COG6: variants seen among roughly 807,000 people sequenced by gnomAD.
COG6 encodes the protein conserved oligomeric Golgi complex subunit 6.
In COG6, 74 loss-of-function variants were observed where a neutral mutation model predicts 88.8. The ratio of observed to expected loss-of-function variants is 0.83; its 90% confidence interval spans 0.69 to 1.01. COG6 has a LOEUF of 1.01. COG6 is among the 50% of genes least tolerant of loss of function. The probability of loss-of-function intolerance (pLI) is 0.00; values close to 1 mark genes in which losing one functional copy is unlikely to be tolerated. For synonymous variants in COG6, 286 were observed against 278.7 expected (o/e 1.03, Z -0.26); for missense variants, 800 against 797.9 (o/e 1.00, Z -0.03).
chr13:39,742,846 A>G (rs994318112), intron 18 of COG6, among the ~76,000 whole-genome samples: 2 of 152,202 alleles, frequency 1.3e-5, no homozygotes, highest in African/African-American at 4.8e-5. Flanking sequence ...TTGACCACAT[A>G]GTTCGAAGTA....
intron 18 of COG6, among the ~76,000 whole-genome samples, chr13:39,777,272 G>A (rs546650901): frequency 2.0e-5 from 3 of 152,230 alleles, no homozygotes; most frequent in East Asian, 3.9e-4. Context: ...GAGCACAGAG[G>A]GGGGTGTCCA....
At chr13:39,705,798 C>A (rs1043673643) in intron 13 of COG6, among the ~76,000 whole-genome samples, 3 of 152,044 alleles carry the variant, frequency 2.0e-5, no homozygotes, top group Non-Finnish European at 2.9e-5. Context: ...ACTAGACATG[C>A]AGATATCTCA....
intron 18 of COG6, among the ~76,000 whole-genome samples, chr13:39,731,597 A>C (rs1879458106): frequency 6.6e-6 from 1 of 152,226 alleles, no homozygotes; most frequent in South Asian, 2.1e-4. Flanking sequence ...AAGAGAATGC[A>C]GATGCTTCCT....
intron 18 of COG6, among the ~76,000 whole-genome samples, chr13:39,763,199 T>G (rs532000960): frequency 1.3e-5 from 2 of 151,832 alleles, no homozygotes; most frequent in Non-Finnish European, 3.0e-5. Flanking sequence ...TTTTTGTATA[T>G]TTAGTAGCAA....
intron 18 of COG6, among the ~76,000 whole-genome samples, chr13:39,785,750 C>T (rs1320209576): frequency 6.6e-6 from 1 of 152,102 alleles, no homozygotes; most frequent in East Asian, 1.9e-4. Context: ...AAGATTACAC[C>T]TCATACAACA....
chr13:39,771,697 C>T (rs1881322399), intron 18 of COG6, among the ~76,000 whole-genome samples: 2 of 152,218 alleles, frequency 1.3e-5, no homozygotes, highest in South Asian at 4.1e-4. Flanking sequence ...TTTTGAGCAT[C>T]CCTGAAAGTA....
At chr13:39,656,688 C>A in intron 1 of COG6, 1 of 356,766 alleles carries the variant, frequency 2.8e-6, no homozygotes, top group Non-Finnish European at 5.5e-6. Flanking sequence ...AATTTGATTC[C>A]GATATGTAAA....
chr13:39,733,797 A>G (rs1445472507), intron 18 of COG6, among the ~76,000 whole-genome samples: 1 of 152,078 alleles, frequency 6.6e-6, no homozygotes, highest in Non-Finnish European at 1.5e-5. Context: ...GACACTTTTT[A>G]TTATGGCTTT....
chr13:39,789,174 A>G (rs1324581989), exon 19 of COG6: 1 of 152,166 alleles, frequency 6.6e-6, no homozygotes, highest in Non-Finnish European at 1.5e-5. Context: ...AGCACACTAC[A>G]CACAAAGTTC....
Position 39,697,628 on chromosome 13 carries a change from A to T in COG6, c.1167-1873A>T, listed in dbSNP as rs1016825635. 2.0e-4 allele frequency among the ~76,000 whole-genome samples: 30 copies of T among 151,876 alleles called. 1 individual carries two copies. The highest frequency in any genetic ancestry group is 5.3e-4 in the African/African-American group (22 of 41,402). On this transcript the variant is annotated intron_variant, in intron 12 of 18. Coordinates refer to ENST00000455146, the MANE Select transcript of COG6 (RefSeq NM_020751.3). ...TCAACATTGCATTGTCTCACCATGT[A>T]GTCCAACAAGTAATCCGCCTCTCTC...
intron 3 of COG6, among the ~76,000 whole-genome samples, chr13:39,663,461 A>C (rs1157004277): frequency 6.6e-6 from 1 of 152,186 alleles, no homozygotes; most frequent in South Asian, 2.1e-4. Context: ...ACTATATTTT[A>C]AAAATTGCAC....
chr13:39,753,432 A>G (rs1010775417), downstream of COG6, among the ~76,000 whole-genome samples: 5 of 152,224 alleles, frequency 3.3e-5, no homozygotes, highest in African/African-American at 1.2e-4. Context: ...ACAGCAGTCT[A>G]AATGAACTAA....
In COG6 at chr13:39,687,650, A is replaced by C. The variant is rs560493574; in HGVS notation, c.917+19A>C. The C allele has an allele frequency of 6.2e-7, 1 of 1,614,060 alleles. No homozygotes were observed. The highest frequency in any genetic ancestry group is 8.5e-7 in the Non-Finnish European group (1 of 1,180,004). On this transcript the variant is annotated intron_variant, in intron 9 of 18. Coordinates refer to ENST00000455146, the MANE Select transcript of COG6 (RefSeq NM_020751.3). ...CTTTGAGGTATAGTAATCAGACAGC[A>C]GAAGAGGAGTTGATGTTTTTCCAAA...
At position 39,663,972 on chromosome 13, in the gene COG6, A is replaced by G. The variant is rs150468860; in HGVS notation, c.370-1124A>G. 3.4e-3 allele frequency: 523 copies of G among 154,226 alleles called. 9 individuals carry two copies. The highest frequency in any genetic ancestry group is 0.012 in the African/African-American group (491 of 41,598). 9.6% of individuals were successfully genotyped at this position (154,226 alleles called of 1,614,324 possible). ...CTTAAAAAATCTATTTCCTGGGAAC[A>G]TACACTCAAAATAGCTTCATTTGAG... is the stretch of plus-strand genomic sequence containing the variant. On this transcript the variant is annotated intron_variant, in intron 3 of 18. Transcript: ENST00000455146.
At chr13:39,720,756 G>T (rs1328811347) in intron 15 of COG6, among the ~76,000 whole-genome samples, 4 of 151,806 alleles carry the variant, frequency 2.6e-5, no homozygotes, top group East Asian at 3.9e-4. Flanking sequence ...AAACACTTAC[G>T]TGTATTGCTA....
At chr13:39,759,518 T>C (rs1183800319) in intron 18 of COG6, among the ~76,000 whole-genome samples, 1 of 152,170 alleles carries the variant, frequency 6.6e-6, no homozygotes, top group Admixed American at 6.5e-5. Flanking sequence ...TAGTTAAATA[T>C]GCTGTTTAGA....
intron 8 of COG6, among the ~76,000 whole-genome samples, chr13:39,686,256 G>T (rs1277531371): frequency 6.6e-6 from 1 of 152,164 alleles, no homozygotes; most frequent in Non-Finnish European, 1.5e-5. Context: ...CTGACATCAA[G>T]ACTGCTAAAA....
At chr13:39,703,510 T>C (rs1440074345) in intron 13 of COG6, among the ~76,000 whole-genome samples, 1 of 152,174 alleles carries the variant, frequency 6.6e-6, no homozygotes, top group Non-Finnish European at 1.5e-5. Flanking sequence ...CACGTTATCA[T>C]TTGCCTTTAA....
At chr13:39,684,920 A>T (rs970698478) in intron 8 of COG6, among the ~76,000 whole-genome samples, 1 of 152,216 alleles carries the variant, frequency 6.6e-6, no homozygotes, top group African/African-American at 2.4e-5. Flanking sequence ...TTTTAATAAT[A>T]AATCATGTAC....
Sources: allele counts gnomAD v4.1 joint callset (sites outside exome capture counted in the v4.1 genomes callset), GRCh38; gene constraint gnomAD v4.1.1; transcripts MANE v1.5; gene names NCBI Gene and HGNC (gene_info 2026-07-23, HGNC 2026-07-21).